Variants in FAM221A observed in about 807,000 individuals in gnomAD.
The protein encoded by FAM221A is family with sequence similarity 221 member A, also known as protein FAM221A.
In FAM221A, 43 loss-of-function variants were observed where a neutral mutation model predicts 37.6. The ratio of observed to expected loss-of-function variants is 1.15; its 90% confidence interval spans 0.90 to 1.48. FAM221A has a LOEUF of 1.48. Among genes scored for constraint, FAM221A ranks in the 40% most tolerant of loss-of-function variants. FAM221A has a pLI of 0.00. For synonymous variants in FAM221A, 135 were observed against 132.9 expected (o/e 1.02, Z -0.11); for missense variants, 361 against 361.5 (o/e 1.00, Z 0.01).
intron 2 of FAM221A, 147 bp downstream of exon 2, chr7:23,684,819 C>T (rs1584252822): frequency 4.9e-6 from 4 of 813,934 alleles, no homozygotes; most frequent in South Asian, 2.2e-5. Context: ...GATGGTGGCT[C>T]ACATCTGTGT....
chr7:23,685,832 G>A (rs767799947), intron 2 of FAM221A, among the ~76,000 whole-genome samples: 1 of 152,182 alleles, frequency 6.6e-6, no homozygotes, highest in African/African-American at 2.4e-5. Flanking sequence ...TCTCACAGTT[G>A]TAAATAAAGT....
chr7:23,692,696 A>G, intron 4 of FAM221A: 4 of 984,494 alleles, frequency 4.1e-6, no homozygotes, highest in Non-Finnish European at 3.6e-6. Context: ...TTAAGTGGAA[A>G]AAGAAAGAAA....
intron 2 of FAM221A, chr7:23,688,392 A>G (rs542585044): frequency 1.3e-5 from 2 of 152,272 alleles, no homozygotes; most frequent in African/African-American, 4.8e-5. Flanking sequence ...TAAATTTAGT[A>G]TTATTTTACT....
At chr7:23,690,197 A>ATTTTTTT (rs1429439145) in intron 3 of FAM221A, among the ~76,000 whole-genome samples, 8 of 36,428 alleles carry the variant, frequency 2.2e-4, no homozygotes, top group African/African-American at 6.7e-4. Context: ...ATATATATAT[A>ATTTTTTT]TATTTTTTTT....
intron 1 of FAM221A, 73 bp from the exon 2 acceptor site, chr7:23,684,426 G>T: frequency 1.7e-5 from 15 of 863,672 alleles, no homozygotes; most frequent in Non-Finnish European, 2.5e-5. Context: ...TTTAATATTT[G>T]CAGTGGCCTG....
At chr7:23,690,716 A>G (rs1489793102) in intron 3 of FAM221A, among the ~76,000 whole-genome samples, 3 of 152,140 alleles carry the variant, frequency 2.0e-5, no homozygotes, top group African/African-American at 7.2e-5. Context: ...AGCACAATAC[A>G]TTTCAGAACA....
At chr7:23,698,100 C>A in intron 4 of FAM221A, 92 bp from the exon 5 acceptor site, 1 of 753,136 alleles carries the variant, frequency 1.3e-6, no homozygotes, top group Non-Finnish European at 2.2e-6. Context: ...AATAATTCTG[C>A]TGAGGTTCCA....
rs575406334 is a variant in FAM221A, at chr7:23,701,558, A to G, written c.829-538A>G. On this transcript the variant is annotated intron_variant, in intron 6 of 6. Transcript: ENST00000344962. ...CTGGTGCCTATTTTGAATTCTTAATATGTATTATTTATTCTTCTTAGAGGC... is the reference window on the plus strand; with the variant it reads ...CTGGTGCCTATTTTGAATTCTTAATGTGTATTATTTATTCTTCTTAGAGGC... Among the ~76,000 whole-genome samples the G allele has an allele frequency of 7.2e-5, 11 of 152,202 alleles. No individual in the cohort carries two copies. In the East Asian group the frequency reaches 2.1e-3, roughly 29 times the overall value.
In FAM221A at chr7:23,691,467, G is replaced by A; in HGVS notation, c.508G>A (p.Glu170Lys). The change falls in exon 4 of 7, where the codon GAA becomes AAA. Residue 170 changes from glutamate to lysine, a missense_variant. By Grantham distance (56) the Glu-to-Lys change is moderately conservative. Transcript: ENST00000344962. ...TGCATATGCCCATGACACAGTAGTG[G>A]AAACTAAGCAAGAAAGATTGGCTCA... ...QPAYAHDTVV[E>K]TKQERLAQEK... The A allele has an allele frequency of 6.2e-7, 1 of 1,614,206 alleles. No homozygotes were observed. Among genetic ancestry groups the A allele is most frequent in the Non-Finnish European group, 8.5e-7 (1 of 1,180,036 alleles).
chr7:23,695,127 C>A (rs529545393), intron 4 of FAM221A, among the ~76,000 whole-genome samples: 1 of 152,202 alleles, frequency 6.6e-6, no homozygotes, highest in East Asian at 1.9e-4. Flanking sequence ...TGCCAGTATG[C>A]CTGGCTAATA....
intron 2 of FAM221A, chr7:23,687,467 A>G (rs977612186): frequency 1.3e-5 from 2 of 152,124 alleles, no homozygotes; most frequent in Non-Finnish European, 2.9e-5. Context: ...GTGTGTGTAT[A>G]ATGTAGCTGA....
intron 1 of FAM221A, 142 bp from the exon 2 acceptor site, chr7:23,684,357 C>CACGG: frequency 4.5e-6 from 2 of 445,232 alleles, no homozygotes; most frequent in Non-Finnish European, 3.9e-6. Context: ...GTTACAGAGA[C>CACGG]CCGGCCTGCC....
chr7:23,698,598 C>G (rs76819906), intron 5 of FAM221A, among the ~76,000 whole-genome samples: 6,071 of 152,240 alleles, frequency 0.04, 245 homozygotes, highest in African/African-American at 0.1. Context: ...AGAGGGCCTT[C>G]TGGCGGCCTA....
chr7:23,692,608 C>T, intron 4 of FAM221A: 1 of 950,076 alleles, frequency 1.1e-6, no homozygotes, highest in Non-Finnish European at 1.3e-6. Context: ...TCCCAAAGTG[C>T]TGGGATTACA....
Position 23,702,177 on chromosome 7 carries a change from A to G in FAM221A, c.*13A>G. On this transcript the variant is annotated 3_prime_UTR_variant, in exon 7 of 7. Transcript: ENST00000344962. ...AAAACCTTCATGAAGACTATTGGAG[A>G]AATTAAAACCATCATCCAAGTATCT... 1 of 1,530,708 alleles carries G rather than the reference A, an allele frequency of 6.5e-7. No homozygotes were observed. Among genetic ancestry groups the G allele is most frequent in the South Asian group, 1.3e-5 (1 of 79,622 alleles). 94.8% of individuals were successfully genotyped at this position (1,530,708 alleles called of 1,614,324 possible). A position where few individuals can be genotyped will look rare whatever the true frequency, so the allele number is the denominator to read the frequency against.
intron 2 of FAM221A, 93 bp downstream of exon 2, chr7:23,684,765 T>G (rs1479625017): frequency 8.6e-7 from 1 of 1,165,608 alleles, no homozygotes; most frequent in Non-Finnish European, 1.2e-6. Context: ...GAGAAACATT[T>G]AACAATTGTC....
chr7:23,682,485 G>T (rs1162333018), intron 1 of FAM221A, among the ~76,000 whole-genome samples: 2 of 149,998 alleles, frequency 1.3e-5, no homozygotes, highest in Non-Finnish European at 3.0e-5. Flanking sequence ...AGGCTGGAGT[G>T]CAGTGGCGCT....
intron 4 of FAM221A, among the ~76,000 whole-genome samples, chr7:23,697,779 A>G (rs1468457087): frequency 6.6e-6 from 1 of 152,204 alleles, no homozygotes; most frequent in Non-Finnish European, 1.5e-5. Flanking sequence ...AAAGAGTCTC[A>G]CAGTGTTGCC....
At chr7:23,694,976 A>C (rs919075367) in intron 4 of FAM221A, 1 of 150,564 alleles carries the variant, frequency 6.6e-6, no homozygotes, top group Non-Finnish European at 1.5e-5. Flanking sequence ...TGTAGAAATA[A>C]TTTTTTTTTT....
Sources: allele counts gnomAD v4.1 joint callset (sites outside exome capture counted in the v4.1 genomes callset), GRCh38; gene constraint gnomAD v4.1.1; transcripts MANE v1.5; gene names NCBI Gene and HGNC (gene_info 2026-07-23, HGNC 2026-07-21).